Variants in MECOM observed in about 807,000 individuals in gnomAD.
MECOM encodes the protein MDS1 and EVI1 complex locus, also known as histone-lysine N-methyltransferase MECOM.
A neutral mutation model predicts 116.3 loss-of-function variants in MECOM; 13 were observed. That is an observed-to-expected ratio of 0.11 (90% CI 0.07 to 0.18). The LOEUF (loss-of-function observed/expected upper bound fraction) is 0.18, where lower values mean the gene tolerates loss of function less well. MECOM is among the 10% of genes least tolerant of loss of function. The pLI is 1.00. For synonymous variants in MECOM, 528 were observed against 535.2 expected (o/e 0.99, Z 0.19); for missense variants, 1,299 against 1,509.0 (o/e 0.86, Z 2.31).
chr3:169,240,293 T>G (rs965231293), intron 2 of MECOM, among the ~76,000 whole-genome samples: 2 of 152,180 alleles, frequency 1.3e-5, no homozygotes, highest in African/African-American at 4.8e-5. Flanking sequence ...TCTGAGCTGT[T>G]CCAGCATAGA....
intron 2 of MECOM, among the ~76,000 whole-genome samples, chr3:169,286,608 A>G (rs1250729760): frequency 6.6e-6 from 1 of 152,214 alleles, no homozygotes; most frequent in Non-Finnish European, 1.5e-5. Context: ...TAAAAGCAGG[A>G]CAAAAAATTC....
chr3:169,339,768 A>G (rs5026913), intron 2 of MECOM, among the ~76,000 whole-genome samples: 36,625 of 152,074 alleles, frequency 0.24, 4,996 homozygotes, highest in Admixed American at 0.37. Flanking sequence ...AAAAAAAACT[A>G]AACTGAAATC....
intron 1 of MECOM, among the ~76,000 whole-genome samples, chr3:169,508,053 A>C (rs1440316460): frequency 1.3e-5 from 2 of 152,168 alleles, no homozygotes; most frequent in Non-Finnish European, 2.9e-5. Context: ...CTTTTAAGAG[A>C]CTATTTCAAA....
At chr3:169,242,544 C>A (rs1755008949) in intron 2 of MECOM, among the ~76,000 whole-genome samples, 1 of 152,092 alleles carries the variant, frequency 6.6e-6, no homozygotes, top group South Asian at 2.1e-4. Flanking sequence ...CTGATGCGGG[C>A]GATCCTCCGA....
intron 1 of MECOM, chr3:169,484,161 G>T (rs762767662): frequency 9.0e-6 from 6 of 669,628 alleles, no homozygotes; most frequent in Non-Finnish European, 1.6e-5. Flanking sequence ...TCAACATTTT[G>T]CTTTGCCCAA....
intron 2 of MECOM, among the ~76,000 whole-genome samples, chr3:169,194,289 G>A (rs2149432746): frequency 6.6e-6 from 1 of 152,082 alleles, no homozygotes; most frequent in South Asian, 2.1e-4. Context: ...ACAGGAAGGG[G>A]AACATCACAC....
At chr3:169,271,510 A>G (rs1434583767) in intron 2 of MECOM, among the ~76,000 whole-genome samples, 1 of 152,242 alleles carries the variant, frequency 6.6e-6, no homozygotes, top group South Asian at 2.1e-4. Flanking sequence ...ATAATTTTTT[A>G]AAGTCTGTGT....
chr3:169,096,721 A>C (rs1721618301), intron 12 of MECOM, among the ~76,000 whole-genome samples: 1 of 152,072 alleles, frequency 6.6e-6, no homozygotes, highest in African/African-American at 2.4e-5. Context: ...ATTCCACTAG[A>C]GTTCTTGGGC....
intron 1 of MECOM, among the ~76,000 whole-genome samples, chr3:169,640,912 T>C (rs1304327567): frequency 1.3e-5 from 2 of 152,166 alleles, no homozygotes; most frequent in Admixed American, 6.5e-5. Flanking sequence ...CATGCCTTTG[T>C]GAAGAAATCA....
chr3:169,547,565 A>G (rs958537512), intron 1 of MECOM, among the ~76,000 whole-genome samples: 1 of 152,160 alleles, frequency 6.6e-6, no homozygotes, highest in African/African-American at 2.4e-5. Flanking sequence ...AAGTTATTTA[A>G]TAGCTTTGAC....
intron 2 of MECOM, among the ~76,000 whole-genome samples, chr3:169,160,818 C>T (rs1442884673): frequency 6.6e-6 from 1 of 151,716 alleles, no homozygotes; most frequent in African/African-American, 2.4e-5. Flanking sequence ...TGCTATGTAC[C>T]CACAAAAATT....
intron 2 of MECOM, among the ~76,000 whole-genome samples, chr3:169,356,192 A>C (rs1727250223): frequency 6.6e-6 from 1 of 151,862 alleles, no homozygotes; most frequent in Non-Finnish European, 1.5e-5. Flanking sequence ...TTGAGCAAAA[A>C]TTGTAGAACA....
intron 1 of MECOM, among the ~76,000 whole-genome samples, chr3:169,583,947 A>G (rs1031580818): frequency 6.6e-6 from 1 of 152,192 alleles, no homozygotes; most frequent in African/African-American, 2.4e-5. Flanking sequence ...TATTTACCGT[A>G]GCTTAATTCT....
intron 10 of MECOM, among the ~76,000 whole-genome samples, chr3:169,102,938 C>T (rs11718015): frequency 2.0e-5 from 3 of 151,260 alleles, no homozygotes; most frequent in African/African-American, 4.9e-5. Context: ...CCTTGTAAGA[C>T]AGGGGGAGCA....
At chr3:169,395,319 G>T (rs1216342238) in intron 1 of MECOM, among the ~76,000 whole-genome samples, 1 of 152,168 alleles carries the variant, frequency 6.6e-6, no homozygotes, top group Non-Finnish European at 1.5e-5. Flanking sequence ...ATCAGCCAAA[G>T]CACACCAATT....
chr3:169,218,152 T>C (rs1410254153), intron 2 of MECOM, among the ~76,000 whole-genome samples: 1 of 152,096 alleles, frequency 6.6e-6, no homozygotes, highest in Admixed American at 6.5e-5. Context: ...GACATCTTAC[T>C]GTGTGCTTTT....
chr3:169,487,434 C>T (rs1329557796), intron 1 of MECOM, among the ~76,000 whole-genome samples: 1 of 151,722 alleles, frequency 6.6e-6, no homozygotes, highest in Non-Finnish European at 1.5e-5. Flanking sequence ...TTCCATATTT[C>T]AGAAAGAGGG....
chr3:169,153,093 T>C (rs1459988308), intron 2 of MECOM, among the ~76,000 whole-genome samples: 1 of 152,156 alleles, frequency 6.6e-6, no homozygotes, highest in East Asian at 1.9e-4. Context: ...TGATGCTGAG[T>C]GGTTAATGCA....
chr3:169,382,450 A>G (rs1233608056), intron 1 of MECOM, among the ~76,000 whole-genome samples: 1 of 152,116 alleles, frequency 6.6e-6, no homozygotes, highest in East Asian at 1.9e-4. Flanking sequence ...CCACACTTGA[A>G]GTAAACGAGT....
Sources: gnomAD v4.1 joint callset for allele counts (sites outside exome capture counted in the v4.1 genomes callset) on GRCh38, gnomAD v4.1.1 for gene constraint, MANE v1.5 for transcripts, NCBI Gene and HGNC (gene_info 2026-07-23, HGNC 2026-07-21) for gene names.